Variants in GRM3 observed in about 807,000 individuals in gnomAD.
The protein encoded by GRM3 is metabotropic glutamate receptor 3.
In GRM3, 26 loss-of-function variants were observed where a neutral mutation model predicts 70.5. That is an observed-to-expected ratio of 0.37 (90% CI 0.27 to 0.51). The LOEUF (loss-of-function observed/expected upper bound fraction) is 0.51. Among genes scored for constraint, GRM3 ranks in the 20% least tolerant of loss-of-function variants. The probability of loss-of-function intolerance (pLI) is 0.93; values close to 1 mark genes in which losing one functional copy is unlikely to be tolerated. For missense variants in GRM3, 859 were observed against 1,123.8 expected (o/e 0.76, Z 3.37); for synonymous variants, 443 against 434.9 (o/e 1.02, Z -0.23).
chr7:86,723,204 TCTC>T (rs1222563201), intron 1 of GRM3, among the ~76,000 whole-genome samples: 4 of 151,312 alleles, frequency 2.6e-5, no homozygotes, highest in South Asian at 2.1e-4. Context: ...AAAAATAACA[TCTC>T]CTCTTGAGTT....
At chr7:86,662,379 AG>A (rs1793916005) in intron 1 of GRM3, among the ~76,000 whole-genome samples, 1 of 151,882 alleles carries the variant, frequency 6.6e-6, no homozygotes, top group South Asian at 2.1e-4. Context: ...TGAATAAGTA[AG>A]TAAAATAATG....
intron 1 of GRM3, among the ~76,000 whole-genome samples, chr7:86,684,872 G>A (rs1168210555): frequency 1.3e-5 from 2 of 152,166 alleles, no homozygotes; most frequent in Non-Finnish European, 2.9e-5. Context: ...AGACCTCCCT[G>A]TGCCTCAGTT....
At chr7:86,644,972 G>T (rs574435859) in intron 1 of GRM3, 100 bp downstream of exon 1, 48 of 541,804 alleles carry the variant, frequency 8.9e-5, no homozygotes, top group Admixed American at 7.8e-4. Flanking sequence ...GAAAGTTGAG[G>T]TAGAGCATGG....
At chr7:86,707,888 G>A (rs1392323287) in intron 1 of GRM3, among the ~76,000 whole-genome samples, 1 of 152,018 alleles carries the variant, frequency 6.6e-6, no homozygotes, top group African/African-American at 2.4e-5. Context: ...GCCAGGCACT[G>A]ATGAAAGCAC....
chr7:86,712,292 T>G (rs369354170), intron 1 of GRM3, among the ~76,000 whole-genome samples: 1 of 152,044 alleles, frequency 6.6e-6, no homozygotes, highest in South Asian at 2.1e-4. Context: ...GCTGCCATAG[T>G]GTTCTCTTCC....
chr7:86,765,982 A>G (rs1212060401), intron 2 of GRM3, among the ~76,000 whole-genome samples: 2 of 152,100 alleles, frequency 1.3e-5, no homozygotes, highest in African/African-American at 4.8e-5. Flanking sequence ...CCTGGAATCG[A>G]TCATCTAGCC....
At chr7:86,863,967 T>C (rs1297809970) in intron 5 of GRM3, among the ~76,000 whole-genome samples, 1 of 152,186 alleles carries the variant, frequency 6.6e-6, no homozygotes, top group Non-Finnish European at 1.5e-5. Flanking sequence ...ATTTTAACCA[T>C]TTAGCACTTT....
intron 3 of GRM3, among the ~76,000 whole-genome samples, chr7:86,804,722 T>C (rs917552050): frequency 1.3e-5 from 2 of 152,126 alleles, no homozygotes; most frequent in Non-Finnish European, 2.9e-5. Context: ...AGATATGATA[T>C]TTTTGTCCTT....
At chr7:86,735,517 A>C (rs1795837801) in intron 1 of GRM3, among the ~76,000 whole-genome samples, 1 of 152,228 alleles carries the variant, frequency 6.6e-6, no homozygotes, top group Non-Finnish European at 1.5e-5. Flanking sequence ...CAACTACTGG[A>C]ATGATCTGAC....
intron 1 of GRM3, among the ~76,000 whole-genome samples, chr7:86,683,129 A>AAAT (rs1794481730): frequency 6.6e-6 from 1 of 152,294 alleles, no homozygotes; most frequent in South Asian, 2.1e-4. Context: ...TTTTGAACTC[A>AAAT]AATAATGGCC....
chr7:86,704,989 T>A (rs920439940), intron 1 of GRM3, among the ~76,000 whole-genome samples: 2 of 151,898 alleles, frequency 1.3e-5, no homozygotes, highest in Non-Finnish European at 2.9e-5. Context: ...AATGCTGTAT[T>A]GTTAGGCAAT....
intron 2 of GRM3, among the ~76,000 whole-genome samples, chr7:86,774,481 T>C (rs1340586872): frequency 9.2e-5 from 14 of 152,158 alleles, no homozygotes; most frequent in Admixed American, 9.2e-4. Context: ...TGGAAATCCC[T>C]TTGTTACTAG....
intron 1 of GRM3, among the ~76,000 whole-genome samples, chr7:86,709,048 T>A (rs1157612260): frequency 6.6e-6 from 1 of 152,092 alleles, no homozygotes; most frequent in Non-Finnish European, 1.5e-5. Context: ...ACAACCTACA[T>A]ACTCAAGGTT....
intron 3 of GRM3, among the ~76,000 whole-genome samples, chr7:86,835,394 T>G (rs1798436577): frequency 6.6e-6 from 1 of 152,088 alleles, no homozygotes; most frequent in African/African-American, 2.4e-5. Flanking sequence ...ATAAAAGTAG[T>G]AGAAAAAGGT....
chr7:86,660,517 T>A (rs1793865593), intron 1 of GRM3, among the ~76,000 whole-genome samples: 1 of 152,052 alleles, frequency 6.6e-6, no homozygotes, highest in South Asian at 2.1e-4. Flanking sequence ...TTTATTTTGA[T>A]AATTTGGTTT....
At chr7:86,668,892 C>G (rs943511638) in intron 1 of GRM3, among the ~76,000 whole-genome samples, 1 of 152,074 alleles carries the variant, frequency 6.6e-6, no homozygotes, top group African/African-American at 2.4e-5. Context: ...TTCCCTTGAG[C>G]GTGAAATTTA....
chr7:86,681,650 A>T (rs893340727), intron 1 of GRM3, among the ~76,000 whole-genome samples: 6 of 152,120 alleles, frequency 3.9e-5, no homozygotes, highest in Admixed American at 6.6e-5. Context: ...GCCTGAGGAA[A>T]TAGTATAACG....
chr7:86,702,312 G>T (rs573981788), intron 1 of GRM3, among the ~76,000 whole-genome samples: 2 of 152,074 alleles, frequency 1.3e-5, no homozygotes, highest in African/African-American at 4.8e-5. Flanking sequence ...GATCAGCCTG[G>T]CTGGTTAGTC....
intron 1 of GRM3, among the ~76,000 whole-genome samples, chr7:86,741,282 C>T (rs371519357): frequency 7.2e-5 from 11 of 152,070 alleles, no homozygotes; most frequent in South Asian, 2.1e-4. Context: ...ATTCCAGTGG[C>T]GGTGGGCCGG....
Sources: allele counts gnomAD v4.1 joint callset (sites outside exome capture counted in the v4.1 genomes callset), GRCh38; gene constraint gnomAD v4.1.1; transcripts MANE v1.5; gene names NCBI Gene and HGNC (gene_info 2026-07-23, HGNC 2026-07-21).